The following ARHGAP15 variants were observed in gnomAD, a reference collection of about 807,000 sequenced individuals.
ARHGAP15 encodes the protein Rho GTPase activating protein 15, also known as rho GTPase-activating protein 15.
ARHGAP15 carries 51 observed loss-of-function variants against 63.7 expected under a neutral mutation model. The observed-to-expected ratio is 0.80, with a 90% CI of 0.64 to 1.01. The LOEUF is 1.01. ARHGAP15 is among the 50% of genes least tolerant of loss of function. The probability of loss-of-function intolerance (pLI) is 0.00; values close to 1 mark genes in which losing one functional copy is unlikely to be tolerated. For missense variants in ARHGAP15, 560 were observed against 564.6 expected (o/e 0.99, Z 0.08); for synonymous variants, 191 against 193.8 (o/e 0.99, Z 0.12).
At chr2:143,207,170 A>C (rs1692361968) in intron 3 of ARHGAP15, among the ~76,000 whole-genome samples, 1 of 151,806 alleles carries the variant, frequency 6.6e-6, no homozygotes, top group African/African-American at 2.4e-5. Flanking sequence ...TTACCTGCCT[A>C]CTCTTAAGGC....
At chr2:143,324,320 A>G (rs935629212) in intron 6 of ARHGAP15, among the ~76,000 whole-genome samples, 3 of 152,224 alleles carry the variant, frequency 2.0e-5, no homozygotes, top group East Asian at 1.9e-4. Context: ...AGCATATTCT[A>G]TGTGGACTGG....
intron 8 of ARHGAP15, among the ~76,000 whole-genome samples, chr2:143,478,245 CAG>C (rs1410663392): frequency 6.6e-6 from 1 of 152,154 alleles, no homozygotes; most frequent in African/African-American, 2.4e-5. Context: ...ATTGGCAATC[CAG>C]AGAGTATTCA....
chr2:143,390,731 GCACACACA>G (rs3071055), intron 6 of ARHGAP15, among the ~76,000 whole-genome samples: 51,678 of 147,244 alleles, frequency 0.35, 9,270 homozygotes, highest in South Asian at 0.52. Flanking sequence ...GAAAACACAT[GCACACACA>G]CACACACACA....
chr2:143,151,260 A>G (rs1689804359), intron 1 of ARHGAP15, among the ~76,000 whole-genome samples: 1 of 151,960 alleles, frequency 6.6e-6, no homozygotes, highest in African/African-American at 2.4e-5. Flanking sequence ...CTAGAACCTT[A>G]TTTCATAAAG....
intron 1 of ARHGAP15, among the ~76,000 whole-genome samples, chr2:143,134,144 T>A (rs753665411): frequency 3.5e-5 from 1 of 28,494 alleles, no homozygotes; most frequent in African/African-American, 7.1e-5. Context: ...TCTATCTATC[T>A]ATCTATCTAC....
chr2:143,676,639 A>T (rs977858832), intron 12 of ARHGAP15: 2 of 152,216 alleles, frequency 1.3e-5, no homozygotes, highest in East Asian at 1.9e-4. Flanking sequence ...GAACACATGC[A>T]TTTATTAAGT....
At chr2:143,690,166 A>G (rs1683530128) in intron 12 of ARHGAP15, among the ~76,000 whole-genome samples, 1 of 152,216 alleles carries the variant, frequency 6.6e-6, no homozygotes, top group South Asian at 2.1e-4. Context: ...TAGCTCATGC[A>G]CCACTGGCAC....
At position 143,150,142 on chromosome 2, in the gene ARHGAP15, A is replaced by G. The variant is rs532146375; in HGVS notation, c.-14-5335A>G. 4.6e-5 allele frequency among the ~76,000 whole-genome samples: 7 copies of G among 151,916 alleles called. No individual in the cohort carries two copies. The South Asian group carries it at 1.2e-3, about 27-fold the overall frequency. ...GTATACCCAAGCCTACATTTTCTCTACTCAGCAGCATAAAGATTATATCAT... is the reference window on the plus strand; with the variant it reads ...GTATACCCAAGCCTACATTTTCTCTGCTCAGCAGCATAAAGATTATATCAT... On this transcript the variant is annotated intron_variant, in intron 1 of 13. Coordinates refer to ENST00000295095, the MANE Select transcript of ARHGAP15 (RefSeq NM_018460.4).
rs117479666 is a variant in ARHGAP15 at position 143,744,933 on chromosome 2, T to C, written c.1245-23056T>C. The stretch of plus-strand genomic sequence containing the variant: ...GTTTTAAAAATGAAGCAGATCTATA[T>C]GTGCTCACCTGAAGGGATCACCAAG... On this transcript the variant is annotated intron_variant, in intron 13 of 13. Transcript: ENST00000295095. 8.5e-5 allele frequency among the ~76,000 whole-genome samples: 13 copies of C among 152,348 alleles called. No individual in the cohort carries two copies. The East Asian group carries it at 2.3e-3, about 27-fold the overall frequency.
Position 143,473,904 on chromosome 2 carries a change from T to G in ARHGAP15, c.704-13469T>G, listed in dbSNP as rs150235311. On this transcript the variant is annotated intron_variant, in intron 8 of 13. Transcript: ENST00000295095. ...GGAGGCCTTTAAAACCCAAAGACTTTTCTTTTCCAAGACCAGAAGTTCCAT... is the reference window on the plus strand; with the variant it reads ...GGAGGCCTTTAAAACCCAAAGACTTGTCTTTTCCAAGACCAGAAGTTCCAT... Among the ~76,000 whole-genome samples the G allele has an allele frequency of 5.9e-4, 90 of 152,314 alleles. 1 individual carries two copies. The East Asian group carries it at 7.1e-3, about 12-fold the overall frequency.
chr2:143,548,449 T>C (rs1465142051), intron 10 of ARHGAP15, among the ~76,000 whole-genome samples: 7 of 151,978 alleles, frequency 4.6e-5, no homozygotes, highest in African/African-American at 1.2e-4. Context: ...ACACTGGCTA[T>C]ATAAACAATT....
intron 2 of ARHGAP15, chr2:143,162,006 A>G (rs904781564): frequency 6.6e-6 from 1 of 152,004 alleles, no homozygotes; most frequent in African/African-American, 2.4e-5. Flanking sequence ...TGTTTCAAGG[A>G]AATATTGGGA....
intron 4 of ARHGAP15, among the ~76,000 whole-genome samples, chr2:143,220,233 T>A (rs562654124): frequency 1.4e-4 from 21 of 152,320 alleles, no homozygotes; most frequent in African/African-American, 4.1e-4. Context: ...TATTTTTGTC[T>A]GTTTTTTGAG....
chr2:143,532,060 C>A (rs1376139922), intron 10 of ARHGAP15, among the ~76,000 whole-genome samples: 1 of 152,162 alleles, frequency 6.6e-6, no homozygotes, highest in Non-Finnish European at 1.5e-5. Context: ...TATGTACTTT[C>A]CATACAGGAC....
intron 13 of ARHGAP15, among the ~76,000 whole-genome samples, chr2:143,727,651 G>A (rs939538871): frequency 1.3e-5 from 2 of 152,200 alleles, no homozygotes; most frequent in East Asian, 1.9e-4. Flanking sequence ...CAGACAGATC[G>A]AATGAACGGG....
chr2:143,346,821 ATAAAT>A (rs950204487), intron 6 of ARHGAP15, among the ~76,000 whole-genome samples: 44 of 152,072 alleles, frequency 2.9e-4, no homozygotes, highest in African/African-American at 5.1e-4. Context: ...ACTGAAAGAG[ATAAAT>A]TAAATGGGTA....
At chr2:143,220,061 T>A (rs1692926699) in intron 4 of ARHGAP15, among the ~76,000 whole-genome samples, 1 of 152,228 alleles carries the variant, frequency 6.6e-6, no homozygotes, top group Admixed American at 6.5e-5. Context: ...TTTAAGAACA[T>A]GATAATCCCA....
At chr2:143,763,769 T>C (rs1686855506) in intron 13 of ARHGAP15, among the ~76,000 whole-genome samples, 1 of 148,428 alleles carries the variant, frequency 6.7e-6, no homozygotes, top group South Asian at 2.1e-4. Context: ...TATATAAATA[T>C]ATTTATATAC....
intron 7 of ARHGAP15, among the ~76,000 whole-genome samples, chr2:143,436,267 A>G (rs189440847): frequency 6.6e-6 from 1 of 152,286 alleles, no homozygotes; most frequent in Admixed American, 6.5e-5. Context: ...TAGAACAAAC[A>G]TTTAATTTTA....
Sources: gnomAD v4.1 joint callset for allele counts (sites outside exome capture counted in the v4.1 genomes callset) on GRCh38, gnomAD v4.1.1 for gene constraint, MANE v1.5 for transcripts, NCBI Gene and HGNC (gene_info 2026-07-23, HGNC 2026-07-21) for gene names.